Variants in CSF2RA observed in about 807,000 individuals in gnomAD.
CSF2RA encodes granulocyte-macrophage colony-stimulating factor receptor subunit alpha.
CSF2RA carries 42 observed loss-of-function variants against 51.6 expected under a neutral mutation model. That is an observed-to-expected ratio of 0.81 (90% CI 0.64 to 1.05). The LOEUF (loss-of-function observed/expected upper bound fraction) is 1.05. CSF2RA is among the 50% of genes least tolerant of loss of function. The pLI is 0.00. For missense variants in CSF2RA, 530 were observed against 501.1 expected (o/e 1.06, Z -0.55); for synonymous variants, 222 against 193.0 (o/e 1.15, Z -1.24).
intron 12 of CSF2RA, among the ~76,000 whole-genome samples, chrX:1,307,144 C>T (rs1480581386): frequency 6.6e-6 from 1 of 152,160 alleles, no homozygotes; most frequent in Admixed American, 6.6e-5. Flanking sequence ...AGTAGGCTGG[C>T]AGGCTGGAAA....
chrX:1,322,166 C>G, the CSF2RA span, among the ~76,000 whole-genome samples: 1 of 151,506 alleles, frequency 6.6e-6, no homozygotes, highest in Non-Finnish European at 1.5e-5. Context: ...AGTGCAATGG[C>G]GCAATCTCTG....
intron 12 of CSF2RA, among the ~76,000 whole-genome samples, chrX:1,308,327 G>A: frequency 6.6e-6 from 1 of 152,222 alleles, no homozygotes; most frequent in East Asian, 1.9e-4. Context: ...AGACACACAG[G>A]AAGATGGAGA....
At chrX:1,270,535 G>A (rs1337860955) in intron 1 of CSF2RA, among the ~76,000 whole-genome samples, 1 of 152,004 alleles carries the variant, frequency 6.6e-6, no homozygotes, top group Non-Finnish European at 1.5e-5. Flanking sequence ...CACCGCGCCT[G>A]GCCCAATATT....
At chrX:1,287,397 C>A (rs1191556204) in intron 4 of CSF2RA, among the ~76,000 whole-genome samples, 1 of 148,054 alleles carries the variant, frequency 6.8e-6, no homozygotes, top group South Asian at 2.1e-4. Context: ...CGTGATCCAC[C>A]CTCCTTGGCC....
At chrX:1,287,811 A>C (rs371948321) in intron 4 of CSF2RA, among the ~76,000 whole-genome samples, 1,128 of 99,990 alleles carry the variant, frequency 0.011, 9 homozygotes, top group Middle Eastern at 0.051. Flanking sequence ...ATCTCAGCTC[A>C]CTGCAACCTG....
chrX:1,319,065 G>A, the CSF2RA span, among the ~76,000 whole-genome samples: 22 of 147,786 alleles, frequency 1.5e-4, 1 homozygote, highest in Admixed American at 6.8e-4. Flanking sequence ...GCATGATCTC[G>A]GCTCACTACA....
At chrX:1,294,532 G>T (rs1264050964) in intron 8 of CSF2RA, 71 bp downstream of exon 8, 1 of 1,599,286 alleles carries the variant, frequency 6.3e-7, no homozygotes, top group Non-Finnish European at 8.6e-7. Context: ...AGGAGCCTGG[G>T]AATCCCGGGG....
At chrX:1,307,095 C>T (rs1310047257) in intron 12 of CSF2RA, among the ~76,000 whole-genome samples, 1 of 152,074 alleles carries the variant, frequency 6.6e-6, no homozygotes, top group Non-Finnish European at 1.5e-5. Flanking sequence ...TCCTCTCCCA[C>T]CCACCTCTCT....
the CSF2RA span, among the ~76,000 whole-genome samples, chrX:1,316,198 C>T: frequency 1.4e-5 from 2 of 145,602 alleles, no homozygotes; most frequent in South Asian, 2.2e-4. Flanking sequence ...GACACATAGA[C>T]AGATACATAG....
intron 8 of CSF2RA, 81 bp downstream of exon 8, chrX:1,294,542 G>T: frequency 6.3e-7 from 1 of 1,584,950 alleles, no homozygotes. Flanking sequence ...GAATCCCGGG[G>T]AAGTGGCCTG....
rs192598154 is a variant in CSF2RA at position 1,309,299 on chromosome X, A to G, written c.1126-103A>G. ...CACTGCACTCCAGCCTGGGCAATAG[A>G]ATGAGACTCCGTCTCGAGGGAGAAA... is the stretch of plus-strand genomic sequence containing the variant. On this transcript the variant is annotated intron_variant, in intron 12 of 12. Transcript: ENST00000381529. The G allele has an allele frequency of 5.6e-4, 688 of 1,231,848 alleles. 1 individual carries two copies. The African/African-American group carries it at 8.9e-3, about 16-fold the overall frequency. The allele number at this position is 1,231,848 out of a possible 1,614,324, so 76.3% of individuals were successfully genotyped here. A position where few individuals can be genotyped will look rare whatever the true frequency, so the allele number is the denominator to read the frequency against.
At chrX:1,280,937 CCTCCTCCT>C (rs2089888880) in intron 2 of CSF2RA, among the ~76,000 whole-genome samples, 1 of 132,162 alleles carries the variant, frequency 7.6e-6, no homozygotes, top group African/African-American at 2.8e-5. Context: ...TTCTCCTCCT[CCTCCTCCT>C]GCTTCTCCTC....
At chrX:1,314,500 TGCCC>T (rs1165966472), downstream of CSF2RA, among the ~76,000 whole-genome samples, 105 of 143,364 alleles carry the variant, frequency 7.3e-4, 1 homozygote, top group Middle Eastern at 3.8e-3. Flanking sequence ...CCACTGTGCC[TGCCC>T]AACCGCACTG....
intron 10 of CSF2RA, 72 bp from the exon 11 acceptor site, chrX:1,303,851 C>A: frequency 3.8e-6 from 5 of 1,301,262 alleles, no homozygotes; most frequent in Non-Finnish European, 4.5e-6. Flanking sequence ...TTTGGACACC[C>A]GAAGAGATTT....
At chrX:1,305,012 G>A (rs1167553431) in intron 11 of CSF2RA, among the ~76,000 whole-genome samples, 1 of 135,846 alleles carries the variant, frequency 7.4e-6, no homozygotes, top group Admixed American at 7.7e-5. Flanking sequence ...TTGTTTTTTT[G>A]AGATGGAGTC....
chrX:1,285,989 C>T lies in CSF2RA; in HGVS notation c.219+69C>T. 2.5e-6 allele frequency: 4 copies of T among 1,603,604 alleles called. No homozygotes were observed. In the South Asian group the frequency reaches 3.3e-5, roughly 13 times the overall value. On this transcript the variant is annotated intron_variant, in intron 4 of 12. Coordinates refer to ENST00000381529, the MANE Select transcript of CSF2RA (RefSeq NM_172245.4). ...CCTTTCTGAGTTAAAAGCAACAGGG[C>T]CGGCTGGGCGCGGCGGCTCACGCCT... is the stretch of plus-strand genomic sequence containing the variant.
intron 11 of CSF2RA, among the ~76,000 whole-genome samples, chrX:1,304,417 G>A (rs1369504745): frequency 3.4e-5 from 5 of 146,284 alleles, no homozygotes; most frequent in Admixed American, 2.1e-4. Context: ...ACAAAAGAAC[G>A]GAGAAAACGG....
At chrX:1,269,191 T>G (rs1268798354) in intron 1 of CSF2RA, among the ~76,000 whole-genome samples, 2 of 152,208 alleles carry the variant, frequency 1.3e-5, no homozygotes, top group Non-Finnish European at 2.9e-5. Flanking sequence ...CTGGGAATTC[T>G]CGTTGGTTTA....
the CSF2RA span, among the ~76,000 whole-genome samples, chrX:1,323,158 T>TATAAAATAAAAAATAAAATAAAATAAA: frequency 1.5e-5 from 2 of 134,020 alleles, no homozygotes; most frequent in Non-Finnish European, 3.0e-5. Flanking sequence ...ACATTACAAT[T>TATAAAATAAAAAATAAAATAAAATAAA]ATAAAATAAA....
Sources: allele counts gnomAD v4.1 joint callset (sites outside exome capture counted in the v4.1 genomes callset), GRCh38; gene constraint gnomAD v4.1.1; transcripts MANE v1.5; gene names NCBI Gene and HGNC (gene_info 2026-07-23, HGNC 2026-07-21).